The following FERMT2 variants were observed in gnomAD, a reference collection of about 807,000 sequenced individuals.
FERMT2 encodes fermitin family homolog 2.
A neutral mutation model predicts 82.7 loss-of-function variants in FERMT2; 15 were observed. The ratio of observed to expected loss-of-function variants is 0.18; its 90% CI spans 0.12 to 0.28. The LOEUF (loss-of-function observed/expected upper bound fraction) is 0.28, where lower values mean the gene tolerates loss of function less well. FERMT2 is among the 10% of genes least tolerant of loss of function. The pLI, the probability that FERMT2 is intolerant of heterozygous loss-of-function variation, is 1.00. For synonymous variants in FERMT2, 274 were observed against 271.5 expected, an observed-to-expected ratio of 1.01 and a Z score of -0.09; for missense variants, 645 against 809.4, an observed-to-expected ratio of 0.80 and a Z score of 2.46.
chr14:52,901,142 G>A (rs1034840933), intron 3 of FERMT2, among the ~76,000 whole-genome samples: 1 of 146,918 alleles, frequency 6.8e-6, no homozygotes. Context: ...TTAGCTGGGC[G>A]TTGTGGCGGG....
At chr14:52,931,394 C>CT (rs1889559805) in intron 2 of FERMT2, among the ~76,000 whole-genome samples, 2 of 152,164 alleles carry the variant, frequency 1.3e-5, no homozygotes, top group Non-Finnish European at 2.9e-5. Context: ...ATCCTGTAGA[C>CT]AATGGAGGCT....
At chr14:52,884,247 C>G (rs984294461) in intron 4 of FERMT2, among the ~76,000 whole-genome samples, 2 of 152,196 alleles carry the variant, frequency 1.3e-5, no homozygotes, top group African/African-American at 4.8e-5. Flanking sequence ...CAAACTGAGG[C>G]AAAGCAAGGT....
chr14:52,923,438 G>A (rs1889076042), intron 2 of FERMT2, among the ~76,000 whole-genome samples: 2 of 151,976 alleles, frequency 1.3e-5, no homozygotes, highest in Admixed American at 6.6e-5. Flanking sequence ...AGAAAACTTT[G>A]CAGGCCCCTG....
intron 3 of FERMT2, among the ~76,000 whole-genome samples, chr14:52,902,547 A>G (rs943668959): frequency 3.3e-5 from 5 of 151,882 alleles, no homozygotes; most frequent in African/African-American, 1.2e-4. Flanking sequence ...GAATACCTAT[A>G]TAACAAACAT....
At chr14:52,892,166 GTTTT>G (rs10547747) in intron 4 of FERMT2, among the ~76,000 whole-genome samples, 4 of 128,818 alleles carry the variant, frequency 3.1e-5, no homozygotes, top group East Asian at 2.3e-4. Context: ...GCTGTTTTTT[GTTTT>G]TTTTTTTTTT....
At chr14:52,892,162 TTTTG>T (rs772667256) in intron 4 of FERMT2, among the ~76,000 whole-genome samples, 5 of 54,530 alleles carry the variant, frequency 9.2e-5, no homozygotes, top group Non-Finnish European at 1.7e-4. Context: ...GAAGGCTGTT[TTTTG>T]TTTTTTTTTT....
chr14:52,937,203 C>A (rs968983617), intron 2 of FERMT2, among the ~76,000 whole-genome samples: 1 of 151,996 alleles, frequency 6.6e-6, no homozygotes, highest in African/African-American at 2.4e-5. Flanking sequence ...TAAAGACTGT[C>A]TTTACCTTAC....
intron 2 of FERMT2, among the ~76,000 whole-genome samples, chr14:52,946,459 C>A (rs115993660): frequency 1.3e-5 from 2 of 151,638 alleles, no homozygotes; most frequent in Non-Finnish European, 2.9e-5. Flanking sequence ...TCAAGACCAG[C>A]CTGGGCAACA....
At chr14:52,861,075 G>GAAAAAAAAAAAAAAAAA in intron 12 of FERMT2, 1 of 1,440,438 alleles carries the variant, frequency 6.9e-7, no homozygotes, top group Non-Finnish European at 9.1e-7. Context: ...GAAGCAGAAA[G>GAAAAAAAAAAAAAAAAA]AAAAAAAAAG....
intron 3 of FERMT2, among the ~76,000 whole-genome samples, chr14:52,903,212 T>A (rs1470995319): frequency 4.0e-5 from 6 of 151,710 alleles, no homozygotes; most frequent in Non-Finnish European, 8.8e-5. Context: ...GAAAAGGCAG[T>A]CTACAAAGAA....
At chr14:52,880,358 T>A (rs1886214865) in intron 6 of FERMT2, among the ~76,000 whole-genome samples, 1 of 152,200 alleles carries the variant, frequency 6.6e-6, no homozygotes, top group African/African-American at 2.4e-5. Flanking sequence ...TTAAATATAG[T>A]TGAAGAGAGG....
At chr14:52,903,110 T>G (rs923487694) in intron 3 of FERMT2, among the ~76,000 whole-genome samples, 4 of 151,688 alleles carry the variant, frequency 2.6e-5, no homozygotes, top group East Asian at 3.9e-4. Flanking sequence ...TCCATCACAA[T>G]GAATGAAAAT....
intron 2 of FERMT2, among the ~76,000 whole-genome samples, chr14:52,942,349 C>G (rs1201694494): frequency 1.4e-5 from 2 of 147,770 alleles, no homozygotes; most frequent in African/African-American, 5.0e-5. Flanking sequence ...GTCACCCAGG[C>G]TGGAGTGCAG....
chr14:52,873,078 A>G (rs966630387), intron 9 of FERMT2, among the ~76,000 whole-genome samples, 155 bp from the exon 10 acceptor site: 4 of 152,180 alleles, frequency 2.6e-5, no homozygotes, highest in Non-Finnish European at 5.9e-5. Flanking sequence ...AGTCAGTGCT[A>G]CTGTTACTGG....
intron 2 of FERMT2, among the ~76,000 whole-genome samples, chr14:52,922,466 G>C (rs1309799536): frequency 8.9e-6 from 1 of 112,912 alleles, no homozygotes; most frequent in Non-Finnish European, 1.8e-5. Context: ...CAGCCTGAAA[G>C]GAATGTTTAT....
At chr14:52,881,525 CAAT>C (rs927248703) in intron 4 of FERMT2, 56 bp from the exon 5 acceptor site, 7 of 1,208,808 alleles carry the variant, frequency 5.8e-6, no homozygotes, top group African/African-American at 4.6e-5. Flanking sequence ...TCTTATTTTT[CAAT>C]AATAACACAT....
intron 3 of FERMT2, among the ~76,000 whole-genome samples, chr14:52,914,669 C>A (rs1197144483): frequency 1.3e-5 from 2 of 151,714 alleles, no homozygotes; most frequent in Non-Finnish European, 2.9e-5. Context: ...CCTGCAATCC[C>A]AGAACTTTGG....
chr14:52,945,186 C>T (rs1890274501), intron 2 of FERMT2, among the ~76,000 whole-genome samples: 1 of 151,992 alleles, frequency 6.6e-6, no homozygotes, highest in Non-Finnish European at 1.5e-5. Flanking sequence ...GCTAGGATTA[C>T]AGGCGTAAGT....
At chr14:52,859,521 C>G (rs1884769700) in intron 14 of FERMT2, 52 bp downstream of exon 14, 3 of 1,440,110 alleles carry the variant, frequency 2.1e-6, no homozygotes, top group Non-Finnish European at 2.8e-6. Flanking sequence ...TCTTAATGTA[C>G]TAATTTGTAT....
Sources: allele counts gnomAD v4.1 joint callset (sites outside exome capture counted in the v4.1 genomes callset), GRCh38; gene constraint gnomAD v4.1.1; transcripts MANE v1.5; gene names NCBI Gene and HGNC (gene_info 2026-07-23, HGNC 2026-07-21).